The following CEP128 variants were observed in gnomAD, a reference collection of about 807,000 sequenced individuals.
The protein encoded by CEP128 is centrosomal protein 128kDa.
Under a neutral mutation model 156.7 loss-of-function variants are expected in CEP128, and 132 were observed. That is an observed-to-expected ratio of 0.84 (90% CI 0.73 to 0.97). CEP128 has a LOEUF of 0.97. Among genes scored for constraint, CEP128 ranks in the 50% least tolerant of loss-of-function variants. CEP128 has a pLI of 0.00. For missense variants in CEP128, 1,252 were observed against 1,281.9 expected (o/e 0.98, Z 0.36); for synonymous variants, 469 against 448.9 (o/e 1.04, Z -0.57).
chr14:80,926,310 G>T (rs1028561911), intron 2 of CEP128, among the ~76,000 whole-genome samples: 1 of 152,152 alleles, frequency 6.6e-6, no homozygotes, highest in South Asian at 2.1e-4. Flanking sequence ...GCTACTGCTA[G>T]CACAACACTG....
intron 21 of CEP128, among the ~76,000 whole-genome samples, chr14:80,555,816 T>C (rs903953933): frequency 6.6e-6 from 1 of 152,132 alleles, no homozygotes; most frequent in Non-Finnish European, 1.5e-5. Context: ...AATGATGCAA[T>C]GATGCCTCAA....
chr14:80,663,543 A>G lies in CEP128; in HGVS notation c.2806+79532T>C, dbSNP rs574405359. On this transcript the variant is annotated intron_variant, in intron 19 of 24. Coordinates refer to ENST00000555265, the MANE Select transcript of CEP128 (RefSeq NM_152446.5). ...TTCCAGCCACCTTCCGATAATAATA[A>G]TAACCACAATGATATCAATCACAAT... is the stretch of plus-strand genomic sequence containing the variant. Among the ~76,000 whole-genome samples, 8 of 152,318 alleles carry G rather than the reference A, an allele frequency of 5.3e-5. No homozygotes were observed. The South Asian group carries it at 1.7e-3, about 32-fold the overall frequency.
At chr14:80,773,816 GAAGA>G (rs1566906294) in intron 16 of CEP128, among the ~76,000 whole-genome samples, 2 of 152,046 alleles carry the variant, frequency 1.3e-5, no homozygotes, top group African/African-American at 4.8e-5. Context: ...TGAAACAAAA[GAAGA>G]ATCAAATATT....
At chr14:80,870,374 T>G (rs557693966) in intron 8 of CEP128, among the ~76,000 whole-genome samples, 7 of 152,038 alleles carry the variant, frequency 4.6e-5, no homozygotes, top group African/African-American at 1.7e-4. Context: ...AGTAGCACAT[T>G]AAAAGAATCA....
intron 19 of CEP128, among the ~76,000 whole-genome samples, chr14:80,600,134 T>C (rs942940867): frequency 2.6e-5 from 4 of 152,066 alleles, no homozygotes; most frequent in Non-Finnish European, 5.9e-5. Context: ...CCTTGAAGTA[T>C]ACCAACATAT....
At chr14:80,838,076 A>AT (rs1301242526) in intron 11 of CEP128, 128 bp downstream of exon 11, 1 of 641,228 alleles carries the variant, frequency 1.6e-6, no homozygotes, top group East Asian at 2.7e-5. Flanking sequence ...GTGTGCTAAT[A>AT]TACATTCCTT....
At chr14:80,918,231 T>C (rs1165765639) in intron 2 of CEP128, among the ~76,000 whole-genome samples, 1 of 152,248 alleles carries the variant, frequency 6.6e-6, no homozygotes, top group Non-Finnish European at 1.5e-5. Flanking sequence ...AGACAAGACA[T>C]CTTACATATA....
At chr14:80,940,550 G>A (rs573090473) in intron 1 of CEP128, among the ~76,000 whole-genome samples, 9 of 151,558 alleles carry the variant, frequency 5.9e-5, no homozygotes, top group African/African-American at 2.2e-4. Context: ...ATGGTGGCGA[G>A]TGCCTGTAAT....
chr14:80,723,687 T>TA (rs1220439855), intron 19 of CEP128, among the ~76,000 whole-genome samples: 32 of 152,292 alleles, frequency 2.1e-4, no homozygotes, highest in African/African-American at 7.7e-4. Flanking sequence ...TGGCCAAACT[T>TA]AAACACTTCT....
At chr14:80,541,460 AAAAAAC>A (rs1269305784) in intron 21 of CEP128, among the ~76,000 whole-genome samples, 16 of 150,460 alleles carry the variant, frequency 1.1e-4, no homozygotes, top group African/African-American at 3.7e-4. Context: ...AAAAAAAAAA[AAAAAAC>A]CAGGAAAAAA....
intron 24 of CEP128, among the ~76,000 whole-genome samples, chr14:80,504,571 AT>A (rs1170012703): frequency 6.6e-6 from 1 of 152,208 alleles, no homozygotes; most frequent in East Asian, 1.9e-4. Flanking sequence ...AAGAACTTCA[AT>A]TTTTTGATAA....
At chr14:80,623,861 T>C (rs1029343939) in intron 19 of CEP128, among the ~76,000 whole-genome samples, 6 of 152,230 alleles carry the variant, frequency 3.9e-5, no homozygotes, top group Non-Finnish European at 7.3e-5. Context: ...GTATGCAATA[T>C]GTAATGAGCA....
chr14:80,758,688 TAAAG>T (rs1899800725), intron 17 of CEP128, among the ~76,000 whole-genome samples: 1 of 152,112 alleles, frequency 6.6e-6, no homozygotes, highest in South Asian at 2.1e-4. Context: ...ATTAAAAATA[TAAAG>T]AAAGAGAAGC....
chr14:80,594,382 T>C (rs1002845765), intron 19 of CEP128, among the ~76,000 whole-genome samples: 1 of 152,128 alleles, frequency 6.6e-6, no homozygotes, highest in African/African-American at 2.4e-5. Flanking sequence ...GAAGAAAACC[T>C]AGGCAATACC....
At chr14:80,708,399 A>G (rs186877983) in intron 19 of CEP128, among the ~76,000 whole-genome samples, 91 of 152,256 alleles carry the variant, frequency 6.0e-4, no homozygotes, top group Admixed American at 6.0e-3. Flanking sequence ...TGGATTTTTT[A>G]ATAAGTTGTT....
At chr14:80,786,292 G>A (rs1449691187) in intron 14 of CEP128, among the ~76,000 whole-genome samples, 1 of 152,118 alleles carries the variant, frequency 6.6e-6, no homozygotes, top group African/African-American at 2.4e-5. Flanking sequence ...GGGCAGCCAA[G>A]GGAGCCAAGA....
intron 11 of CEP128, 128 bp from the exon 12 acceptor site, chr14:80,836,465 C>T (rs1244853294): frequency 1.1e-6 from 1 of 910,790 alleles, no homozygotes; most frequent in African/African-American, 1.7e-5. Flanking sequence ...CGGTTTCCTG[C>T]TCCATTTCCT....
intron 7 of CEP128, among the ~76,000 whole-genome samples, chr14:80,897,166 C>T (rs1472308276): frequency 6.6e-6 from 1 of 152,164 alleles, no homozygotes; most frequent in Non-Finnish European, 1.5e-5. Context: ...ACTGCAAGAA[C>T]CTGACACAAC....
At chr14:80,534,824 CAAAAAAAAAAA>C (rs371773612) in intron 21 of CEP128, among the ~76,000 whole-genome samples, 1 of 60,134 alleles carries the variant, frequency 1.7e-5, no homozygotes. Flanking sequence ...GATTCCGTCT[CAAAAAAAAAAA>C]AAAAAAAAAA....
Sources: gnomAD v4.1 joint callset for allele counts (sites outside exome capture counted in the v4.1 genomes callset) on GRCh38, gnomAD v4.1.1 for gene constraint, MANE v1.5 for transcripts, NCBI Gene and HGNC (gene_info 2026-07-23, HGNC 2026-07-21) for gene names.